The following MOB3B variants were observed in gnomAD, a reference collection of about 807,000 sequenced individuals.
The protein encoded by MOB3B is MOB kinase activator-like 2B.
MOB3B carries 7 observed loss-of-function variants against 18.7 expected under a neutral mutation model. That is an observed-to-expected ratio of 0.37 (90% CI 0.21 to 0.70). MOB3B has a LOEUF of 0.70. Among genes scored for constraint, MOB3B ranks in the 30% least tolerant of loss-of-function variants. The pLI is 0.52. For missense variants in MOB3B, 253 were observed against 281.3 expected, an observed-to-expected ratio of 0.90 and a Z score of 0.72; for synonymous variants, 111 against 99.9, an observed-to-expected ratio of 1.11 and a Z score of -0.66.
chr9:27,439,873 C>T lies in MOB3B; in HGVS notation c.418+15260G>A, dbSNP rs531041398. ...ACCTGTGCAACATTTGTAACCTCTC[C>T]GAGGCTCAGTTCCCTCATTGGGAAA... is the stretch of plus-strand genomic sequence containing the variant. On this transcript the variant is annotated intron_variant, in intron 2 of 3. Coordinates refer to ENST00000262244, the MANE Select transcript of MOB3B (RefSeq NM_024761.5). 3.3e-5 allele frequency among the ~76,000 whole-genome samples: 5 copies of T among 152,150 alleles called. 1 individual carries two copies. Among genetic ancestry groups the T allele is most frequent in the African/African-American group, 9.6e-5 (4 of 41,500 alleles).
chr9:27,343,423 A>G (rs944713589), intron 3 of MOB3B, among the ~76,000 whole-genome samples: 5 of 146,786 alleles, frequency 3.4e-5, no homozygotes, highest in Admixed American at 2.8e-4. Flanking sequence ...CTATTGTCCT[A>G]TGACCCTGCC....
intron 1 of MOB3B, among the ~76,000 whole-genome samples, chr9:27,457,509 C>T (rs1396901701): frequency 6.6e-6 from 1 of 152,160 alleles, no homozygotes; most frequent in Non-Finnish European, 1.5e-5. Flanking sequence ...GCCAATATAC[C>T]TAAGACATCC....
At chr9:27,349,665 C>T (rs948295224) in intron 3 of MOB3B, among the ~76,000 whole-genome samples, 1 of 152,204 alleles carries the variant, frequency 6.6e-6, no homozygotes, top group Non-Finnish European at 1.5e-5. Context: ...AGTACAATTA[C>T]TATTTGGTGT....
intron 1 of MOB3B, among the ~76,000 whole-genome samples, chr9:27,505,822 T>C (rs1468537811): frequency 1.3e-5 from 2 of 152,198 alleles, no homozygotes; most frequent in East Asian, 3.8e-4. Context: ...ATTCTTCAGG[T>C]GTCTCAGCTC....
At chr9:27,388,390 CA>C (rs1461307405) in intron 2 of MOB3B, among the ~76,000 whole-genome samples, 1 of 152,172 alleles carries the variant, frequency 6.6e-6, no homozygotes, top group African/African-American at 2.4e-5. Flanking sequence ...TAGCACTGAC[CA>C]GGGGGTTATT....
At chr9:27,497,061 T>C (rs1284487369) in intron 1 of MOB3B, among the ~76,000 whole-genome samples, 2 of 152,242 alleles carry the variant, frequency 1.3e-5, no homozygotes, top group South Asian at 2.1e-4. Flanking sequence ...GTCTTCTTCA[T>C]AGAGTAAAAA....
intron 2 of MOB3B, among the ~76,000 whole-genome samples, chr9:27,371,660 T>C (rs1241836555): frequency 6.6e-6 from 1 of 152,136 alleles, no homozygotes; most frequent in Non-Finnish European, 1.5e-5. Flanking sequence ...CAAAGGAACA[T>C]GAATGAGTAA....
intron 2 of MOB3B, among the ~76,000 whole-genome samples, chr9:27,361,337 C>T (rs1686341213): frequency 6.6e-6 from 1 of 152,062 alleles, no homozygotes; most frequent in Non-Finnish European, 1.5e-5. Flanking sequence ...AGAGGAACCA[C>T]TCGATTGTCA....
At position 27,336,531 on chromosome 9, in the gene MOB3B, A is replaced by C. The variant is rs142649278; in HGVS notation, c.622-5915T>G. ...GGAGCAGGAGGACCCTTGGTGCTGGAAACTTTGGAAAAATGACTGTTATAT... is the reference window on the plus strand; with the variant it reads ...GGAGCAGGAGGACCCTTGGTGCTGGCAACTTTGGAAAAATGACTGTTATAT... On this transcript the variant is annotated intron_variant, in intron 3 of 3. Transcript: ENST00000262244. Among the ~76,000 whole-genome samples, 146 of 152,244 alleles carry C rather than the reference A, an allele frequency of 9.6e-4. 1 individual carries two copies. The highest frequency in any genetic ancestry group is 3.2e-3 in the African/African-American group (132 of 41,566).
At chr9:27,436,869 T>A (rs1480842702) in intron 2 of MOB3B, among the ~76,000 whole-genome samples, 6 of 151,926 alleles carry the variant, frequency 3.9e-5, no homozygotes, top group Non-Finnish European at 7.4e-5. Context: ...AGGAGAAATT[T>A]GAGCGGGGAT....
At chr9:27,517,766 A>G (rs2131505169) in intron 1 of MOB3B, among the ~76,000 whole-genome samples, 1 of 152,276 alleles carries the variant, frequency 6.6e-6, no homozygotes, top group South Asian at 2.1e-4. Flanking sequence ...CATTCAATAA[A>G]TATTTATTGA....
intron 2 of MOB3B, among the ~76,000 whole-genome samples, chr9:27,400,006 C>A (rs550753070): frequency 6.6e-6 from 1 of 152,172 alleles, no homozygotes; most frequent in African/African-American, 2.4e-5. Context: ...ACAGCCCCTG[C>A]CTTAAATCAG....
intron 1 of MOB3B, among the ~76,000 whole-genome samples, chr9:27,509,670 GCCTC>G (rs1176486289): frequency 2.0e-5 from 3 of 152,030 alleles, no homozygotes; most frequent in Admixed American, 2.0e-4. Context: ...ACCTGCCTCA[GCCTC>G]CCAAAGTGCT....
chr9:27,475,379 G>A (rs934953488), intron 1 of MOB3B, among the ~76,000 whole-genome samples: 1 of 152,240 alleles, frequency 6.6e-6, no homozygotes, highest in African/African-American at 2.4e-5. Flanking sequence ...GATAATAAAC[G>A]TTGTTGTTTT....
intron 1 of MOB3B, chr9:27,526,460 A>G (rs1820439086): frequency 4.6e-5 from 7 of 152,238 alleles, no homozygotes; most frequent in Admixed American, 3.9e-4. Context: ...ATTTTTCATG[A>G]CTTTCTCTAA....
At chr9:27,444,052 G>A (rs1822638721) in intron 2 of MOB3B, among the ~76,000 whole-genome samples, 1 of 151,854 alleles carries the variant, frequency 6.6e-6, no homozygotes, top group Non-Finnish European at 1.5e-5. Context: ...CATGGCAGAT[G>A]TTCTGCACCT....
chr9:27,390,005 ACACCAATTTCCTAAAT>A (rs945539470), intron 2 of MOB3B, among the ~76,000 whole-genome samples: 2 of 152,186 alleles, frequency 1.3e-5, no homozygotes, highest in South Asian at 2.1e-4. Flanking sequence ...AAGTAGAAGT[ACACCAATTTCCTAAAT>A]CACCAATTTC....
chr9:27,497,037 C>G (rs1819913219), intron 1 of MOB3B, among the ~76,000 whole-genome samples: 1 of 152,168 alleles, frequency 6.6e-6, no homozygotes, highest in African/African-American at 2.4e-5. Flanking sequence ...CCAAGAAACT[C>G]CAGCAAGTGA....
At chr9:27,463,462 G>C (rs1819327883) in intron 1 of MOB3B, among the ~76,000 whole-genome samples, 1 of 152,060 alleles carries the variant, frequency 6.6e-6, no homozygotes, top group South Asian at 2.1e-4. Flanking sequence ...GGAAGTTCTG[G>C]GGTACACCTA....
Sources: gnomAD v4.1 joint callset for allele counts (sites outside exome capture counted in the v4.1 genomes callset) on GRCh38, gnomAD v4.1.1 for gene constraint, MANE v1.5 for transcripts, NCBI Gene and HGNC (gene_info 2026-07-23, HGNC 2026-07-21) for gene names.